Variants in KCNH8 observed in about 807,000 individuals in gnomAD.
The protein encoded by KCNH8 is potassium voltage-gated channel subfamily H member 8.
KCNH8 carries 70 observed loss-of-function variants against 103.6 expected under a neutral mutation model. That is an observed-to-expected ratio of 0.68 (90% CI 0.56 to 0.82). The LOEUF (loss-of-function observed/expected upper bound fraction) is 0.82, where lower values mean the gene tolerates loss of function less well. Ranked by LOEUF, KCNH8 falls within the 40% of genes least tolerant of loss-of-function variation. The probability of loss-of-function intolerance (pLI) is 0.00; values close to 1 mark genes in which losing one functional copy is unlikely to be tolerated. For missense variants in KCNH8, 1,217 were observed against 1,329.9 expected (o/e 0.92, Z 1.32); for synonymous variants, 498 against 489.4 (o/e 1.02, Z -0.23).
chr3:19,487,732 T>G (rs761662718), intron 11 of KCNH8, among the ~76,000 whole-genome samples: 2 of 152,212 alleles, frequency 1.3e-5, no homozygotes, highest in Non-Finnish European at 1.5e-5. Context: ...TGATAACTCC[T>G]GTTCCCAGTA....
chr3:19,492,329 T>C (rs1352876145), intron 11 of KCNH8, among the ~76,000 whole-genome samples: 2 of 152,232 alleles, frequency 1.3e-5, no homozygotes, highest in African/African-American at 4.8e-5. Flanking sequence ...CTATCTTTCA[T>C]CCATCTTGAG....
intron 3 of KCNH8, among the ~76,000 whole-genome samples, chr3:19,308,769 CCT>C (rs2065171112): frequency 1.1e-4 from 3 of 28,556 alleles, no homozygotes; most frequent in African/African-American, 4.5e-4. Flanking sequence ...TCCCTCTCTC[CCT>C]CCCTCTCTCT....
At chr3:19,179,935 T>C (rs1434370908) in intron 1 of KCNH8, among the ~76,000 whole-genome samples, 5 of 152,082 alleles carry the variant, frequency 3.3e-5, no homozygotes, top group Non-Finnish European at 7.4e-5. Context: ...TTTAATAAAA[T>C]GCAGAAGGGC....
At chr3:19,281,174 A>T in intron 2 of KCNH8, 24 bp from the exon 3 acceptor site, 1 of 1,571,460 alleles carries the variant, frequency 6.4e-7, no homozygotes, top group Non-Finnish European at 8.7e-7. Flanking sequence ...GTTGATTTGT[A>T]TTTTTTTTTC....
At chr3:19,501,394 GA>G (rs1018359450) in intron 11 of KCNH8, among the ~76,000 whole-genome samples, 6 of 152,082 alleles carry the variant, frequency 3.9e-5, no homozygotes, top group Admixed American at 2.0e-4. Flanking sequence ...CCAATCAACA[GA>G]AAAAGAGGGA....
At chr3:19,209,830 G>A (rs989213625) in intron 1 of KCNH8, among the ~76,000 whole-genome samples, 7 of 152,062 alleles carry the variant, frequency 4.6e-5, no homozygotes, top group Admixed American at 3.3e-4. Context: ...CTGGCAGGAC[G>A]ATTCCTGGGA....
At chr3:19,197,423 A>C (rs533930940) in intron 1 of KCNH8, among the ~76,000 whole-genome samples, 8 of 152,234 alleles carry the variant, frequency 5.3e-5, no homozygotes, top group Admixed American at 4.6e-4. Context: ...CCCCAAATCT[A>C]TCTGGCATTG....
chr3:19,276,867 A>G (rs1333178977), intron 2 of KCNH8, among the ~76,000 whole-genome samples: 1 of 152,152 alleles, frequency 6.6e-6, no homozygotes, highest in African/African-American at 2.4e-5. Flanking sequence ...TATATATCCC[A>G]AAGAAAGGAA....
intron 2 of KCNH8, among the ~76,000 whole-genome samples, chr3:19,275,453 G>A (rs1463489295): frequency 1.3e-5 from 2 of 152,094 alleles, no homozygotes; most frequent in Admixed American, 6.5e-5. Flanking sequence ...ATTTACTTTG[G>A]CTCACTAGTA....
At position 19,499,916 on chromosome 3, in the gene KCNH8, C is replaced by A. The variant is rs548787954; in HGVS notation, c.2041-10447C>A. ...AAATAACCAGCTAACATCATAATGA[C>A]AGGATCAAATTCACACATAACAATA... is the stretch of plus-strand genomic sequence containing the variant. On this transcript the variant is annotated intron_variant, in intron 11 of 15. Coordinates refer to ENST00000328405, the MANE Select transcript of KCNH8 (RefSeq NM_144633.3). Among the ~76,000 whole-genome samples the A allele has an allele frequency of 4.6e-5, 7 of 152,212 alleles. No homozygotes were observed. The East Asian group carries it at 7.7e-4, about 17-fold the overall frequency.
In KCNH8 at chr3:19,182,853, A is replaced by G. The variant is rs527939518; in HGVS notation, c.76+34058A>G. On this transcript the variant is annotated intron_variant, in intron 1 of 15. Transcript: ENST00000328405. ...ACACACAACTATTTTTTTCGTGAGAAATGCATTTGAAAAATATTGAGAAAA... is the reference window on the plus strand; with the variant it reads ...ACACACAACTATTTTTTTCGTGAGAGATGCATTTGAAAAATATTGAGAAAA... Among the ~76,000 whole-genome samples the G allele has an allele frequency of 2.6e-5, 4 of 152,346 alleles. No individual in the cohort carries two copies. The South Asian group carries it at 8.3e-4, about 32-fold the overall frequency.
intron 2 of KCNH8, among the ~76,000 whole-genome samples, chr3:19,279,884 T>TA (rs1229974286): frequency 1.3e-5 from 2 of 152,112 alleles, no homozygotes; most frequent in Non-Finnish European, 2.9e-5. Flanking sequence ...CAACTCAAAA[T>TA]ATCAGGGATA....
At chr3:19,424,490 C>A (rs1311380636) in intron 7 of KCNH8, among the ~76,000 whole-genome samples, 3 of 152,052 alleles carry the variant, frequency 2.0e-5, no homozygotes. Flanking sequence ...AAATCTAAGA[C>A]CTGAAACCAT....
chr3:19,503,206 T>C (rs2068623877), intron 11 of KCNH8, among the ~76,000 whole-genome samples: 1 of 151,296 alleles, frequency 6.6e-6, no homozygotes, highest in Admixed American at 6.6e-5. Flanking sequence ...ATCAGAGAAA[T>C]GCAAATCAAA....
intron 7 of KCNH8, among the ~76,000 whole-genome samples, chr3:19,420,571 G>C (rs192262096): frequency 3.0e-4 from 46 of 152,234 alleles, no homozygotes; most frequent in African/African-American, 1.1e-3. Context: ...GCTATTTTGT[G>C]ACTGAAATGG....
At chr3:19,284,508 G>GGTGTGTGTGTGTGT (rs66509260) in intron 3 of KCNH8, among the ~76,000 whole-genome samples, 2 of 136,620 alleles carry the variant, frequency 1.5e-5, no homozygotes, top group East Asian at 2.2e-4. Context: ...TGGATCTGCT[G>GGTGTGTGTGTGTGT]GTGTGTGTGT....
intron 1 of KCNH8, among the ~76,000 whole-genome samples, chr3:19,151,320 A>T (rs2063127486): frequency 6.6e-6 from 1 of 152,140 alleles, no homozygotes. Context: ...ACCTACTCAA[A>T]AACTTTGCTG....
chr3:19,200,756 T>A (rs764083293), intron 1 of KCNH8, among the ~76,000 whole-genome samples: 10 of 152,050 alleles, frequency 6.6e-5, no homozygotes, highest in Non-Finnish European at 1.3e-4. Context: ...TGATCAAACT[T>A]TAATACACGA....
rs1464341243 is a variant in KCNH8, at chr3:19,284,577, GAGAC to G, written c.442+3251_442+3254del. On this transcript the variant is annotated intron_variant, in intron 3 of 15. Transcript: ENST00000328405. ...TGAGGGAGAGAGAGAGAGAAAGAGA[GAGAC>G]AGCCTTCAGCAGGATTCTGATGGTT... Among the ~76,000 whole-genome samples the G allele has an allele frequency of 3.3e-5, 5 of 151,214 alleles. No homozygotes were observed. In the East Asian group the frequency reaches 9.9e-4, roughly 30 times the overall value.
Sources: allele counts gnomAD v4.1 joint callset (sites outside exome capture counted in the v4.1 genomes callset), GRCh38; gene constraint gnomAD v4.1.1; transcripts MANE v1.5; gene names NCBI Gene and HGNC (gene_info 2026-07-23, HGNC 2026-07-21).